Variants in GLCCI1 observed in about 807,000 individuals in gnomAD.
GLCCI1 encodes the protein glucocorticoid-induced transcript 1 protein.
A neutral mutation model predicts 52.2 loss-of-function variants in GLCCI1; 24 were observed. That is an observed-to-expected ratio of 0.46 (90% CI 0.33 to 0.65). The LOEUF is 0.65. GLCCI1 is among the 30% of genes least tolerant of loss of function. GLCCI1 has a pLI of 0.02. For missense variants in GLCCI1, 704 were observed against 701.5 expected (o/e 1.00, Z -0.04); for synonymous variants, 310 against 276.5 (o/e 1.12, Z -1.20).
intron 2 of GLCCI1, among the ~76,000 whole-genome samples, chr7:8,009,513 T>C (rs1781219573): frequency 6.6e-6 from 1 of 152,222 alleles, no homozygotes; most frequent in African/African-American, 2.4e-5. Context: ...CCTGGGCACA[T>C]GATAGGATTC....
Position 8,003,905 on chromosome 7 carries a change from T to C in GLCCI1, c.458-3T>C. Reference sequence around the variant, plus strand: ...GACTAATCTTTTTTTTCACTTTCTGTAGCGGACAAGGCAAAATCTCAGCAA... The same window carrying C: ...GACTAATCTTTTTTTTCACTTTCTGCAGCGGACAAGGCAAAATCTCAGCAA... On this transcript the variant is annotated splice_region_variant and splice_polypyrimidine_tract_variant and intron_variant, in intron 1 of 7. Transcript: ENST00000223145. 6.2e-7 allele frequency: 1 copy of C among 1,607,228 alleles called. No homozygotes were observed. Among genetic ancestry groups the C allele is most frequent in the Non-Finnish European group, 8.5e-7 (1 of 1,177,474 alleles).
At chr7:7,994,738 T>C (rs1281827631) in intron 1 of GLCCI1, among the ~76,000 whole-genome samples, 1 of 152,242 alleles carries the variant, frequency 6.6e-6, no homozygotes, top group Non-Finnish European at 1.5e-5. Flanking sequence ...TAAAATCTAT[T>C]CTGCCAGCAT....
chr7:7,976,843 G>A (rs1446418768), intron 1 of GLCCI1, among the ~76,000 whole-genome samples: 2 of 151,624 alleles, frequency 1.3e-5, no homozygotes, highest in Non-Finnish European at 2.9e-5. Flanking sequence ...GATCACTTGA[G>A]CCCAGGCGGC....
At chr7:8,038,559 A>G (rs995360525) in intron 3 of GLCCI1, among the ~76,000 whole-genome samples, 2 of 152,228 alleles carry the variant, frequency 1.3e-5, no homozygotes, top group Non-Finnish European at 2.9e-5. Flanking sequence ...CATATGTAGA[A>G]GAATGAAACT....
chr7:8,042,017 C>T (rs1782011525), intron 3 of GLCCI1, among the ~76,000 whole-genome samples: 1 of 152,184 alleles, frequency 6.6e-6, no homozygotes, highest in South Asian at 2.1e-4. Context: ...TGATATAGCA[C>T]ATCTATTTAC....
chr7:7,988,578 G>T (rs1284137353), intron 1 of GLCCI1, among the ~76,000 whole-genome samples: 1 of 151,898 alleles, frequency 6.6e-6, no homozygotes, highest in Non-Finnish European at 1.5e-5. Context: ...GTCTTTTAGG[G>T]GTAGATACGA....
rs139713651 is a variant in GLCCI1 at position 8,035,380 on chromosome 7, C to G, written c.696+12811C>G. 3.2e-4 allele frequency among the ~76,000 whole-genome samples: 48 copies of G among 152,344 alleles called. No homozygotes were observed. In the East Asian group the frequency reaches 8.9e-3, roughly 28 times the overall value. ...CAGATGTGGAGAAGGGATATCTCTCCTCTGCAGCTTGTCCACTGCTGCGAA... is the reference window on the plus strand; with the variant it reads ...CAGATGTGGAGAAGGGATATCTCTCGTCTGCAGCTTGTCCACTGCTGCGAA... On this transcript the variant is annotated intron_variant, in intron 3 of 7. Coordinates refer to ENST00000223145, the MANE Select transcript of GLCCI1 (RefSeq NM_138426.4).
chr7:8,045,841 A>C (rs1370784146), intron 3 of GLCCI1, among the ~76,000 whole-genome samples: 1 of 152,154 alleles, frequency 6.6e-6, no homozygotes, highest in Non-Finnish European at 1.5e-5. Context: ...GCAGAGGATA[A>C]AACTTCCACA....
intron 1 of GLCCI1, among the ~76,000 whole-genome samples, chr7:7,984,552 G>T (rs1315159937): frequency 6.6e-6 from 1 of 152,180 alleles, no homozygotes; most frequent in African/African-American, 2.4e-5. Flanking sequence ...AGCAGATTTT[G>T]AGGTGGTTAT....
chr7:8,011,630 C>T (rs1171651297), intron 2 of GLCCI1, among the ~76,000 whole-genome samples: 2 of 152,118 alleles, frequency 1.3e-5, no homozygotes, highest in African/African-American at 4.8e-5. Context: ...CTTTTCGAGT[C>T]TCGGCTTTCA....
chr7:8,008,668 T>A (rs1781203758), intron 2 of GLCCI1, among the ~76,000 whole-genome samples: 1 of 152,190 alleles, frequency 6.6e-6, no homozygotes, highest in Non-Finnish European at 1.5e-5. Context: ...AAGTGTACAC[T>A]TGTGCATTTT....
chr7:8,046,296 C>T (rs1432807043), intron 3 of GLCCI1, among the ~76,000 whole-genome samples: 1 of 152,196 alleles, frequency 6.6e-6, no homozygotes, highest in Non-Finnish European at 1.5e-5. Context: ...AGCCCTCCCT[C>T]AACCATCTGA....
chr7:8,086,141 T>A lies in GLCCI1; in HGVS notation c.1299-52T>A. 6.9e-7 allele frequency: 1 copy of A among 1,456,928 alleles called. No homozygotes were observed. The highest frequency in any genetic ancestry group is 2.1e-5 in the Admixed American group (1 of 46,600). The allele number at this position is 1,456,928 out of a possible 1,614,324, so 90.3% of individuals were successfully genotyped here. On this transcript the variant is annotated intron_variant, in intron 7 of 7. Coordinates refer to ENST00000223145, the MANE Select transcript of GLCCI1 (RefSeq NM_138426.4). This position sits in a 1 kb window ranked among gnomAD's most constrained non-coding sequence, Gnocchi z 4.4. ...AACTCCAGTTAATTCAGAAAATGCT[T>A]AACTTTTTCTGTGTTCATGATTATA...
At chr7:8,059,950 C>G in intron 4 of GLCCI1, 146 bp from the exon 5 acceptor site, 1 of 632,320 alleles carries the variant, frequency 1.6e-6, no homozygotes, top group Non-Finnish European at 2.6e-6. Context: ...ACCTAAATTT[C>G]TATATGTGCA....
chr7:7,972,740 G>C (rs1307706375), intron 1 of GLCCI1, among the ~76,000 whole-genome samples: 1 of 151,854 alleles, frequency 6.6e-6, no homozygotes, highest in Non-Finnish European at 1.5e-5. Flanking sequence ...TCTATAAATA[G>C]GAATAGTCAA....
intron 2 of GLCCI1, among the ~76,000 whole-genome samples, chr7:8,014,139 G>A (rs543259256): frequency 3.9e-4 from 60 of 152,094 alleles, no homozygotes; most frequent in African/African-American, 1.4e-3. Context: ...ACAGGCGCCC[G>A]CCACCATGCC....
At chr7:7,972,089 A>C (rs1275192997) in intron 1 of GLCCI1, among the ~76,000 whole-genome samples, 1 of 152,198 alleles carries the variant, frequency 6.6e-6, no homozygotes, top group Admixed American at 6.5e-5. Flanking sequence ...TAGCCATTTA[A>C]AATCCATGAT....
At chr7:8,009,298 C>T (rs1239468646) in intron 2 of GLCCI1, among the ~76,000 whole-genome samples, 2 of 152,176 alleles carry the variant, frequency 1.3e-5, no homozygotes, top group Non-Finnish European at 2.9e-5. Context: ...TTTCCTCAGT[C>T]TTCACCCCAT....
intron 2 of GLCCI1, among the ~76,000 whole-genome samples, chr7:8,008,948 A>G (rs1781207657): frequency 6.6e-6 from 1 of 152,188 alleles, no homozygotes; most frequent in Non-Finnish European, 1.5e-5. Flanking sequence ...AAATGTTAAA[A>G]AAAAATTCAT....
Sources: allele counts gnomAD v4.1 joint callset (sites outside exome capture counted in the v4.1 genomes callset), GRCh38; gene constraint gnomAD v4.1.1; non-coding constraint Gnocchi (gnomAD v3.1); transcripts MANE v1.5; gene names NCBI Gene and HGNC (gene_info 2026-07-23, HGNC 2026-07-21).